The following LTBP3 variants were observed in gnomAD, a reference collection of about 807,000 sequenced individuals.
LTBP3 encodes the protein latent-transforming growth factor beta-binding protein 3.
LTBP3 carries 97 observed loss-of-function variants against 159.7 expected under a neutral mutation model. That is an observed-to-expected ratio of 0.61 (90% confidence interval 0.52 to 0.72). LTBP3 has a LOEUF of 0.72. Ranked by LOEUF, LTBP3 falls within the 30% of genes least tolerant of loss-of-function variation. LTBP3 has a pLI of 0.00. For synonymous variants in LTBP3, 824 were observed against 777.1 expected, an observed-to-expected ratio of 1.06 and a Z score of -1.00; for missense variants, 1,584 against 1,864.3, an observed-to-expected ratio of 0.85 and a Z score of 2.77.
Position 65,546,913 on chromosome 11 carries a change from G to A in LTBP3, c.2115C>T (p.Asp705=). The A allele has an allele frequency of 1.2e-6, 2 of 1,611,984 alleles. No individual in the cohort carries two copies. Among genetic ancestry groups the A allele is most frequent in the South Asian group, 1.1e-5 (1 of 91,090 alleles). The change falls in exon 15 of 28, where the codon GAC becomes GAT. Residue 705 remains aspartate (D), a synonymous_variant. Coordinates refer to ENST00000301873, the MANE Select transcript of LTBP3 (RefSeq NM_001130144.3). The surrounding 1 kb of genome is among the most constrained non-coding windows in gnomAD (Gnocchi z 4.0). The part of the protein sequence containing the change: ...ASRPPVCEDI[D]ECRDPSSCPD... Reference sequence around the variant, plus strand: ...GGCAAGAGCTTGGGTCCCGGCACTCGTCGATGTCTGCACGGGAGGGAGAAG... The same window carrying A: ...GGCAAGAGCTTGGGTCCCGGCACTCATCGATGTCTGCACGGGAGGGAGAAG...
Position 65,539,867 on chromosome 11 carries a change from G to A in LTBP3, c.3400C>T (p.Arg1134Trp). 6.6e-7 allele frequency: 1 copy of A among 1,515,140 alleles called. No homozygotes were observed. Among genetic ancestry groups the A allele is most frequent in the Non-Finnish European group, 8.8e-7 (1 of 1,138,856 alleles). The allele number at this position is 1,515,140 out of a possible 1,614,324, so 93.9% of individuals were successfully genotyped here. A position where few individuals can be genotyped will look rare whatever the true frequency, so the allele number is the denominator to read the frequency against. Residue 1134 changes from arginine (R) to tryptophan (W), a missense_variant, in exon 25 of 28, where the codon CGG becomes TGG. Around this residue, in one of 6 missense-constraint regions of LTBP3, gnomAD observed 514 missense variants for 530.3 expected, o/e 0.97. Coordinates refer to ENST00000301873, the MANE Select transcript of LTBP3 (RefSeq NM_001130144.3). ...CGCTGGCTCCAGCACACGTCGCGCC[G>A]CTCCGGGGCACGCTCTGCGGAAGAC... ...PESPAERAPE[R>W]RDVCWSQRGE...
intron 19 of LTBP3, 36 bp from the exon 20 acceptor site, chr11:65,541,329 AC>A (rs761819891): frequency 1.2e-6 from 2 of 1,600,404 alleles, no homozygotes; most frequent in African/African-American, 2.7e-5. Context: ...TTGTGCACAG[AC>A]CCCCCTTGGC....
chr11:65,538,568 C>G lies in LTBP3; in HGVS notation c.*512G>C. 1 of 1,609,384 alleles carries G rather than the reference C, an allele frequency of 6.2e-7. No individual in the cohort carries two copies. The highest frequency in any genetic ancestry group is 1.3e-5 in the African/African-American group (1 of 75,000). On this transcript the variant is annotated 3_prime_UTR_variant, in exon 28 of 28. Coordinates refer to ENST00000301873, the MANE Select transcript of LTBP3 (RefSeq NM_001130144.3). ...CTGGGAGCCCGGAAGCTGGACTGAA[C>G]CGTGGCGGTGGCCCTTCCCGGCTGC...
At position 65,546,406 on chromosome 11, in the gene LTBP3, G is replaced by A. The variant is rs760516572; in HGVS notation, c.2353+36C>T. 7.9e-6 allele frequency: 12 copies of A among 1,511,960 alleles called. No individual in the cohort carries two copies. The highest frequency in any genetic ancestry group is 2.5e-5 in the South Asian group (2 of 79,610). 93.7% of individuals were successfully genotyped at this position (1,511,960 alleles called of 1,614,324 possible). On this transcript the variant is annotated intron_variant, in intron 16 of 27. Coordinates refer to ENST00000301873, the MANE Select transcript of LTBP3 (RefSeq NM_001130144.3). This position sits in a 1 kb window ranked among gnomAD's most constrained non-coding sequence, Gnocchi z 4.0. The stretch of plus-strand genomic sequence containing the variant: ...GCTCCCCGGCTTCAGCGCGTAGGGG[G>A]CGGCGGAGGCCCGGGGCGGGGGTGC...
intron 21 of LTBP3, 125 bp downstream of exon 21, chr11:65,540,746 T>G (rs1303748797): frequency 9.9e-7 from 1 of 1,013,386 alleles, no homozygotes; most frequent in Non-Finnish European, 1.3e-6. Flanking sequence ...GGGCGGGGCC[T>G]GCGAGGAAGG....
chr11:65,551,917 G>A, intron 8 of LTBP3, 55 bp downstream of exon 8: 3 of 1,577,602 alleles, frequency 1.9e-6, no homozygotes, highest in Non-Finnish European at 2.6e-6. Context: ...ACGGGTCAAG[G>A]GGTCAGGCCT....
chr11:65,541,385 C>G (rs947075920), intron 19 of LTBP3, 92 bp from the exon 20 acceptor site: 6 of 1,500,892 alleles, frequency 4.0e-6, no homozygotes, highest in Non-Finnish European at 5.5e-6. Context: ...CCCCCACATT[C>G]CCTGGCTCCC....
chr11:65,556,519 ACT>A (rs958575468), intron 1 of LTBP3, among the ~76,000 whole-genome samples: 10 of 151,900 alleles, frequency 6.6e-5, no homozygotes, highest in Non-Finnish European at 1.5e-4. Flanking sequence ...CAAGAGCAAA[ACT>A]CCATCTCAAA....
chr11:65,556,714 A>C (rs1180516447), intron 1 of LTBP3, among the ~76,000 whole-genome samples: 1 of 152,222 alleles, frequency 6.6e-6, no homozygotes, highest in Non-Finnish European at 1.5e-5. Context: ...AATTTGAGCC[A>C]CATGAGTGGG....
intron 1 of LTBP3, among the ~76,000 whole-genome samples, chr11:65,556,463 G>C (rs1337438822): frequency 1.3e-5 from 2 of 152,222 alleles, no homozygotes; most frequent in African/African-American, 2.4e-5. Flanking sequence ...AGAAGGGGGA[G>C]GTTGCAGTGA....
Position 65,538,789 on chromosome 11 carries a change from GA to G in LTBP3, c.*290del. On this transcript the variant is annotated 3_prime_UTR_variant, in exon 28 of 28. Coordinates refer to ENST00000301873, the MANE Select transcript of LTBP3 (RefSeq NM_001130144.3). ...CGCAGCCCGCGCCCACGTCAGACGT[GA>G]ACATCAATTTGCTTCGAAAGCCAAG... 1 of 818,144 alleles carries G rather than the reference GA, an allele frequency of 1.2e-6. No individual in the cohort carries two copies. The highest frequency in any genetic ancestry group is 1.8e-6 in the Non-Finnish European group (1 of 554,196). The allele number at this position is 818,144 out of a possible 1,614,324, so 50.7% of individuals were successfully genotyped here.
chr11:65,554,510 C>A lies in LTBP3; in HGVS notation c.332-130G>T. ...TTGAGATACATCCTACATAGGGAAA[C>A]TGCCCTCTCTAGGTTCCCCAACATC... On this transcript the variant is annotated intron_variant, in intron 1 of 27. Transcript: ENST00000301873. The surrounding 1 kb of genome is among the most constrained non-coding windows in gnomAD (Gnocchi z 5.3). 2 of 680,292 alleles carry A rather than the reference C, an allele frequency of 2.9e-6. No homozygotes were observed. Among genetic ancestry groups the A allele is most frequent in the Non-Finnish European group, 4.9e-6 (2 of 404,308 alleles). The allele number at this position is 680,292 out of a possible 1,614,324, so 42.1% of individuals were successfully genotyped here. A position where few individuals can be genotyped will look rare whatever the true frequency, so the allele number is the denominator to read the frequency against.
Position 65,539,933 on chromosome 11 carries a change from C to T in LTBP3, c.3386-52G>A, listed in dbSNP as rs768369471. 6.1e-6 allele frequency: 9 copies of T among 1,474,430 alleles called. 1 individual carries two copies. Among genetic ancestry groups the T allele is most frequent in the Middle Eastern group, 4.0e-4 (2 of 4,962 alleles). The allele number at this position is 1,474,430 out of a possible 1,614,324, so 91.3% of individuals were successfully genotyped here. ...AGGGGCCCAAGGCAGGAACCGCCCG[C>T]CTCCGCCCCACCCCACCTGCGCGGG... On this transcript the variant is annotated intron_variant, in intron 24 of 27. Transcript: ENST00000301873.
chr11:65,541,813 C>G (rs1856150022), intron 18 of LTBP3, 85 bp from the exon 19 acceptor site: 11 of 1,520,510 alleles, frequency 7.2e-6, no homozygotes, highest in Non-Finnish European at 9.9e-6. Context: ...AGTTCAGAAC[C>G]TGAATTTCCA....
chr11:65,541,397 T>G, intron 19 of LTBP3, 104 bp from the exon 20 acceptor site: 1 of 1,468,158 alleles, frequency 6.8e-7, no homozygotes, highest in African/African-American at 1.4e-5. Flanking sequence ...CTGGCTCCCC[T>G]TAGCCTCCTC....
chr11:65,554,481 G>T lies in LTBP3; in HGVS notation c.332-101C>A. On this transcript the variant is annotated intron_variant, in intron 1 of 27. Transcript: ENST00000301873. The surrounding 1 kb of genome is among the most constrained non-coding windows in gnomAD (Gnocchi z 5.3). ...CTGGCTCTGTCCTCTTGGGAAGCCA[G>T]GTTTTGAGATACATCCTACATAGGG... The T allele has an allele frequency of 1.1e-6, 1 of 922,286 alleles. No individual in the cohort carries two copies. The allele number at this position is 922,286 out of a possible 1,614,324, so 57.1% of individuals were successfully genotyped here.
intron 24 of LTBP3, 32 bp downstream of exon 24, chr11:65,539,981 C>G (rs1381475436): frequency 6.8e-7 from 1 of 1,461,198 alleles, no homozygotes; most frequent in African/African-American, 1.5e-5. Flanking sequence ...GACAGGGCCC[C>G]GGGATCGGCC....
intron 11 of LTBP3, 146 bp downstream of exon 11, chr11:65,550,979 CT>C (rs1856587524): frequency 1.4e-6 from 1 of 712,638 alleles, no homozygotes; most frequent in Admixed American, 2.0e-5. Context: ...AGTGGGATCT[CT>C]GGTGCTCACC....
chr11:65,550,064 G>C (rs1856544826), intron 11 of LTBP3, among the ~76,000 whole-genome samples: 1 of 152,088 alleles, frequency 6.6e-6, no homozygotes, highest in South Asian at 2.1e-4. Flanking sequence ...GAGCAGACAG[G>C]CAACAAGCCG....
Sources: gnomAD v4.1 joint callset for allele counts (sites outside exome capture counted in the v4.1 genomes callset) on GRCh38, gnomAD v4.1.1 for gene constraint, gnomAD v4.1.1 regional missense constraint, Gnocchi (gnomAD v3.1) non-coding constraint, MANE v1.5 for transcripts, NCBI Gene and HGNC (gene_info 2026-07-23, HGNC 2026-07-21) for gene names.